SALL3: variants seen among roughly 807,000 people sequenced by gnomAD.
SALL3 encodes spalt like transcription factor 3.
SALL3 carries 25 observed loss-of-function variants against 66.2 expected under a neutral mutation model. The observed-to-expected ratio is 0.38, with a 90% CI of 0.28 to 0.53. The LOEUF (loss-of-function observed/expected upper bound fraction) is 0.53, where lower values mean the gene tolerates loss of function less well. SALL3 is among the 20% of genes least tolerant of loss of function. The probability of loss-of-function intolerance (pLI) is 0.85; values close to 1 mark genes in which losing one functional copy is unlikely to be tolerated. For synonymous variants in SALL3, 1,152 were observed against 899.1 expected (o/e 1.28, Z -5.03); for missense variants, 2,194 against 1,916.5 (o/e 1.14, Z -2.70).
At chr18:78,980,423 GC>G in intron 1 of SALL3, 67 bp downstream of exon 1, 1 of 998,492 alleles carries the variant, frequency 1.0e-6, no homozygotes, top group South Asian at 3.0e-5. Flanking sequence ...GGAAGCGCGT[GC>G]GGCGGGAGCG....
At position 78,993,992 on chromosome 18, in the gene SALL3, G is replaced by C; in HGVS notation, c.2001G>C (p.Leu667=). The C allele has an allele frequency of 6.2e-7, 1 of 1,612,316 alleles. No homozygotes were observed. The highest frequency in any genetic ancestry group is 8.5e-7 in the Non-Finnish European group (1 of 1,179,676). The change falls in exon 2 of 3, where the codon CTG becomes CTC. Residue 667 remains leucine (L), a synonymous_variant. Coordinates refer to ENST00000537592, the MANE Select transcript of SALL3 (RefSeq NM_171999.4). ...CGGAAACCTCGAAGCTGCAGCAGCT[G>C]GTGGAGAACATCGACAAGAAGATGA... The part of the protein sequence containing the change: ...QTSETSKLQQ[L]VENIDKKMTD...
At chr18:78,980,396 CTGCCCGTCCGGGCTGGGGA>C (rs924519946) in intron 1 of SALL3, 40 bp downstream of exon 1, 1 of 1,274,806 alleles carries the variant, frequency 7.8e-7, no homozygotes, top group Non-Finnish European at 1.0e-6. Flanking sequence ...GGGTCTGGGG[CTGCCCGTCCGGGCTGGGGA>C]AGCGCGTGCG....
In SALL3 at chr18:78,994,870, C is replaced by T. The variant is rs759328588; in HGVS notation, c.2879C>T (p.Ala960Val). Reference sequence around the variant, plus strand: ...GGCCGCGCGGGCATCAAGGAGGAGGCGCCCTTCAGCCTGCTGTTCCTGAGC... The same window carrying T: ...GGCCGCGCGGGCATCAAGGAGGAGGTGCCCTTCAGCCTGCTGTTCCTGAGC... ...APGRAGIKEE[A>V]PFSLLFLSRE... The change falls in exon 2 of 3, where the codon GCG becomes GTG. Residue 960 changes from alanine (A) to valine (V), a missense_variant. By Grantham distance (64) the Ala-to-Val change is moderately conservative. Transcript: ENST00000537592. 5 of 1,606,744 alleles carry T rather than the reference C, an allele frequency of 3.1e-6. No homozygotes were observed. The South Asian group carries it at 4.4e-5, about 14-fold the overall frequency.
intron 2 of SALL3, among the ~76,000 whole-genome samples, 186 bp from the exon 3 acceptor site, chr18:78,996,705 T>C (rs1441275761): frequency 6.6e-6 from 1 of 152,252 alleles, no homozygotes; most frequent in Non-Finnish European, 1.5e-5. Flanking sequence ...TTTTGCTTAT[T>C]GTATTCAATA....
intron 1 of SALL3, among the ~76,000 whole-genome samples, chr18:78,985,836 T>A (rs1914228858): frequency 6.6e-6 from 1 of 152,240 alleles, no homozygotes. Context: ...ATAGCACGTT[T>A]AATTTCATGT....
chr18:78,992,115 G>C lies in SALL3; in HGVS notation c.124G>C (p.Glu42Gln). 6.3e-7 allele frequency: 1 copy of C among 1,592,286 alleles called. No individual in the cohort carries two copies. The highest frequency in any genetic ancestry group is 8.5e-7 in the Non-Finnish European group (1 of 1,170,292). The change falls in exon 2 of 3, where the codon GAG becomes CAG. Residue 42 changes from glutamate (E) to glutamine (Q), a missense_variant. Coordinates refer to ENST00000537592, the MANE Select transcript of SALL3 (RefSeq NM_171999.4). ...EGAEDADSGPESRSGGEETSV... is the reference protein window; with the variant it reads ...EGAEDADSGPQSRSGGEETSV... ...TGCGGAGGACGCAGACAGCGGGCCC[G>C]AGAGCCGCAGCGGGGGCGAGGAGAC...
chr18:78,994,457 C>G lies in SALL3; in HGVS notation c.2466C>G (p.Leu822=), dbSNP rs749296049. 4 of 1,612,688 alleles carry G rather than the reference C, an allele frequency of 2.5e-6. No individual in the cohort carries two copies. The highest frequency in any genetic ancestry group is 3.3e-4 in the Middle Eastern group (2 of 6,062). The part of the protein sequence containing the change: ...KDAATDPAKP[L]LSYAGSCPPS... ...CGGCCACCGACCCGGCCAAGCCACT[C>G]CTGTCCTACGCGGGGTCCTGCCCGC... The change falls in exon 2 of 3, where the codon CTC becomes CTG. Residue 822 remains leucine (L), a synonymous_variant. Coordinates refer to ENST00000537592, the MANE Select transcript of SALL3 (RefSeq NM_171999.4).
At chr18:78,980,803 G>C (rs572711615) in intron 1 of SALL3, among the ~76,000 whole-genome samples, 1 of 152,182 alleles carries the variant, frequency 6.6e-6, no homozygotes, top group South Asian at 2.1e-4. Flanking sequence ...GGCCAGCTTT[G>C]TTCGGGGGCC....
At chr18:78,996,258 G>A (rs1914689097) in intron 2 of SALL3, among the ~76,000 whole-genome samples, 1 of 152,206 alleles carries the variant, frequency 6.6e-6, no homozygotes, top group Non-Finnish European at 1.5e-5. Context: ...GCCTTGTGCT[G>A]TGTTGACTGA....
intron 1 of SALL3, among the ~76,000 whole-genome samples, chr18:78,982,959 C>T (rs1914122990): frequency 1.3e-5 from 2 of 152,084 alleles, no homozygotes; most frequent in Admixed American, 6.5e-5. Flanking sequence ...CAGCACAAAG[C>T]CTGTATCTCT....
chr18:78,992,500 C>T lies in SALL3; in HGVS notation c.509C>T (p.Ala170Val). ...CCCAGCACCAACGTGACCCTGGAGG[C>T]GCTGCTGAGCACCAAGGTGGCGGTG... is the stretch of plus-strand genomic sequence containing the variant. ...GAPSTNVTLE[A>V]LLSTKVAVAQ... The change falls in exon 2 of 3, where the codon GCG (alanine) becomes GTG (valine). Residue 170 changes from alanine (A) to valine (V), a missense_variant. Coordinates refer to ENST00000537592, the MANE Select transcript of SALL3 (RefSeq NM_171999.4). 1.4e-6 allele frequency: 2 copies of T among 1,470,838 alleles called. No individual in the cohort carries two copies. The highest frequency in any genetic ancestry group is 1.2e-5 in the South Asian group (1 of 80,122). The allele number at this position is 1,470,838 out of a possible 1,614,324, so 91.1% of individuals were successfully genotyped here. A position where few individuals can be genotyped will look rare whatever the true frequency, so the allele number is the denominator to read the frequency against.
Position 78,997,459 on chromosome 18 carries a change from T to C in SALL3, c.*137T>C. The stretch of plus-strand genomic sequence containing the variant: ...ACTTTGTGCGGCTGCCGAGAGGTGG[T>C]CTTGTAAGCGCTGCATGGCGCTCCC... On this transcript the variant is annotated 3_prime_UTR_variant, in exon 3 of 3. Transcript: ENST00000537592. 3.6e-6 allele frequency: 3 copies of C among 829,782 alleles called. No individual in the cohort carries two copies. The Admixed American group carries it at 7.8e-5, about 22-fold the overall frequency. 51.4% of individuals were successfully genotyped at this position (829,782 alleles called of 1,614,324 possible).
chr18:78,997,602 C>T lies in SALL3; in HGVS notation c.*280C>T. 2.2e-6 allele frequency: 1 copy of T among 457,612 alleles called. No individual in the cohort carries two copies. Among genetic ancestry groups the T allele is most frequent in the Non-Finnish European group, 3.8e-6 (1 of 259,900 alleles). The allele number at this position is 457,612 out of a possible 1,614,324, so 28.3% of individuals were successfully genotyped here. ...ACAGAAAGAGCTCAGACCATGTCCA[C>T]TTCCTTTCTCCTGAAACCTAATAAT... is the stretch of plus-strand genomic sequence containing the variant. On this transcript the variant is annotated 3_prime_UTR_variant, in exon 3 of 3. Coordinates refer to ENST00000537592, the MANE Select transcript of SALL3 (RefSeq NM_171999.4).
At position 78,992,780 on chromosome 18, in the gene SALL3, G is replaced by T. The variant is rs1455130213; in HGVS notation, c.789G>T (p.Ala263=). The change falls in exon 2 of 3, where the codon GCG becomes GCT. Residue 263 remains alanine (A), a synonymous_variant. Coordinates refer to ENST00000537592, the MANE Select transcript of SALL3 (RefSeq NM_171999.4). ...PAPSQLPGLA[A]LPLSAGAPAA... ...CCAGCCAGCTGCCCGGGCTGGCCGC[G>T]CTCCCGCTGTCGGCCGGGGCCCCTG... 9.9e-7 allele frequency: 1 copy of T among 1,009,634 alleles called. No homozygotes were observed. Among genetic ancestry groups the T allele is most frequent in the East Asian group, 9.2e-5 (1 of 10,834 alleles). The allele number at this position is 1,009,634 out of a possible 1,614,324, so 62.5% of individuals were successfully genotyped here. A position where few individuals can be genotyped will look rare whatever the true frequency, so the allele number is the denominator to read the frequency against.
chr18:78,992,532 T>G lies in SALL3; in HGVS notation c.541T>G (p.Phe181Val). 1.3e-6 allele frequency: 2 copies of G among 1,493,738 alleles called. No homozygotes were observed. The highest frequency in any genetic ancestry group is 1.8e-6 in the Non-Finnish European group (2 of 1,128,166). 92.5% of individuals were successfully genotyped at this position (1,493,738 alleles called of 1,614,324 possible). A position where few individuals can be genotyped will look rare whatever the true frequency, so the allele number is the denominator to read the frequency against. The change falls in exon 2 of 3, where the codon TTC becomes GTC. Residue 181 changes from phenylalanine (F) to valine (V), a missense_variant. Coordinates refer to ENST00000537592, the MANE Select transcript of SALL3 (RefSeq NM_171999.4). ...LLSTKVAVAQ[F>V]SQGARAAGGS... ...GAGCACCAAGGTGGCGGTGGCGCAG[T>G]TCTCGCAGGGCGCGCGCGCGGCAGG...
chr18:78,992,218 T>C lies in SALL3; in HGVS notation c.227T>C (p.Leu76Pro), dbSNP rs1158206244. 3 of 1,608,514 alleles carry C rather than the reference T, an allele frequency of 1.9e-6. No individual in the cohort carries two copies. Among genetic ancestry groups the C allele is most frequent in the Non-Finnish European group, 2.5e-6 (3 of 1,178,844 alleles). ...GAGCACCAGCGGAGCTGCACCAAGCTCCCGCCCGTGCTGATCGTGCACGAG... is the reference window on the plus strand; with the variant it reads ...GAGCACCAGCGGAGCTGCACCAAGCCCCCGCCCGTGCTGATCGTGCACGAG... ...FLEHQRSCTK[L>P]PPVLIVHEDA... Residue 76 changes from leucine to proline, a missense_variant, in exon 2 of 3, where the codon CTC becomes CCC. Physicochemically the swap from Leu to Pro is moderately conservative, Grantham distance 98. Coordinates refer to ENST00000537592, the MANE Select transcript of SALL3 (RefSeq NM_171999.4).
Position 78,994,968 on chromosome 18 carries a change from G to A in SALL3, c.2977G>A (p.Glu993Lys). The A allele has an allele frequency of 1.2e-6, 2 of 1,613,790 alleles. No homozygotes were observed. The highest frequency in any genetic ancestry group is 1.7e-6 in the Non-Finnish European group (2 of 1,180,014). Residue 993 changes from glutamate to lysine, a missense_variant, in exon 2 of 3, where the codon GAA becomes AAA. By Grantham distance (56) the Glu-to-Lys change is moderately conservative (BLOSUM62 1). Coordinates refer to ENST00000537592, the MANE Select transcript of SALL3 (RefSeq NM_171999.4). ...GCCTTTTGCTTGCAAGAGCGCGTTG[G>A]AAATCCACTACCGCAGCCATACTAA... is the stretch of plus-strand genomic sequence containing the variant. ...GKPFACKSAL[E>K]IHYRSHTKER... is the part of the protein sequence containing the mutation.
At position 78,995,304 on chromosome 18, in the gene SALL3, C is replaced by T. The variant is rs745471209; in HGVS notation, c.3313C>T (p.Pro1105Ser). The T allele has an allele frequency of 3.2e-6, 5 of 1,572,376 alleles. No homozygotes were observed. The highest frequency in any genetic ancestry group is 1.3e-5 in the African/African-American group (1 of 74,508). ...GGGCCTGGCGCCCATGCTGGCCCCCCCACCGCGCCGGACGCCCAAGCAGCA... is the reference window on the plus strand; with the variant it reads ...GGGCCTGGCGCCCATGCTGGCCCCCTCACCGCGCCGGACGCCCAAGCAGCA... ...GPGLAPMLAP[P>S]PRRTPKQHNC... Residue 1105 changes from proline to serine, a missense_variant, in exon 2 of 3, where the codon CCA (proline) becomes TCA (serine). By Grantham distance (74) the Pro-to-Ser change is moderately conservative. Coordinates refer to ENST00000537592, the MANE Select transcript of SALL3 (RefSeq NM_171999.4).
At chr18:78,996,096 G>C (rs1224607527) in intron 2 of SALL3, among the ~76,000 whole-genome samples, 1 of 152,218 alleles carries the variant, frequency 6.6e-6, no homozygotes, top group South Asian at 2.1e-4. Context: ...CGTTCTGTCC[G>C]TGTGGCTGCC....
Sources: gnomAD v4.1 joint callset for allele counts (sites outside exome capture counted in the v4.1 genomes callset) on GRCh38, gnomAD v4.1.1 for gene constraint, MANE v1.5 for transcripts, NCBI Gene and HGNC (gene_info 2026-07-23, HGNC 2026-07-21) for gene names.